The following GADL1 variants were observed in gnomAD, a reference collection of about 807,000 sequenced individuals.
GADL1 encodes acidic amino acid decarboxylase GADL1.
In GADL1, 71 loss-of-function variants were observed where a neutral mutation model predicts 69.5. The observed-to-expected ratio is 1.02, with a 90% CI of 0.84 to 1.25. GADL1 has a LOEUF of 1.25. GADL1 is among the 50% of genes most tolerant of loss of function. GADL1 has a pLI of 0.00. For synonymous variants in GADL1, 254 were observed against 214.4 expected (o/e 1.18, Z -1.62); for missense variants, 737 against 631.8 (o/e 1.17, Z -1.79).
chr3:30,833,596 TGAGA>T (rs143874584), intron 11 of GADL1, among the ~76,000 whole-genome samples: 8 of 152,104 alleles, frequency 5.3e-5, no homozygotes, highest in African/African-American at 1.4e-4. Flanking sequence ...CAAATGATGG[TGAGA>T]GAGAGACCAT....
At chr3:30,734,492 T>A (rs1695511974) in intron 14 of GADL1, among the ~76,000 whole-genome samples, 1 of 152,184 alleles carries the variant, frequency 6.6e-6, no homozygotes, top group Non-Finnish European at 1.5e-5. Context: ...TATCCTCTAG[T>A]GTGTAACCTC....
Position 30,728,258 on chromosome 3 carries a change from A to G in GADL1, c.1550T>C (p.Leu517Pro), listed in dbSNP as rs764256396. The change falls in exon 15 of 15, where the codon CTG (leucine) becomes CCG (proline). Residue 517 changes from leucine (L) to proline (P), a missense_variant. Coordinates refer to ENST00000282538, the MANE Select transcript of GADL1 (RefSeq NM_207359.3). The stretch of plus-strand genomic sequence containing the variant: ...AAGCCACAGCTACATGTCTTTACCC[A>G]GTAAGTCTATCTCATCCAGGAGGAA... ...MDFLLDEIDL[L>P]GKDM 1.2e-6 allele frequency: 2 copies of G among 1,613,732 alleles called. No homozygotes were observed. Among genetic ancestry groups the G allele is most frequent in the Admixed American group, 3.3e-5 (2 of 59,990 alleles).
intron 14 of GADL1, among the ~76,000 whole-genome samples, chr3:30,758,383 A>AT (rs1368716917): frequency 7.3e-5 from 11 of 151,000 alleles, no homozygotes; most frequent in African/African-American, 2.7e-4. Context: ...TCAGATCTCC[A>AT]TTTCCTACAC....
At chr3:30,783,778 A>G (rs1696726586) in intron 13 of GADL1, among the ~76,000 whole-genome samples, 1 of 152,222 alleles carries the variant, frequency 6.6e-6, no homozygotes, top group South Asian at 2.1e-4. Context: ...CAGGGGCAGA[A>G]GGCTGACTAA....
At chr3:30,767,847 A>G (rs1696319967) in intron 14 of GADL1, among the ~76,000 whole-genome samples, 1 of 152,186 alleles carries the variant, frequency 6.6e-6, no homozygotes, top group South Asian at 2.1e-4. Context: ...TTTAAAACCC[A>G]AACCATGTTA....
At chr3:30,789,560 ACTTC>A (rs1696869999) in intron 12 of GADL1, among the ~76,000 whole-genome samples, 1 of 152,166 alleles carries the variant, frequency 6.6e-6, no homozygotes, top group Non-Finnish European at 1.5e-5. Flanking sequence ...ACGGGCATTG[ACTTC>A]CCTCTGGTCA....
chr3:30,894,594 G>C lies in GADL1; in HGVS notation c.21C>G (p.Arg7=), dbSNP rs529884811. ...AGTCGTTACCGTCCACAGGACACTGGCGGTCCGAGTCGCTGCTCATCTCCG... is the reference window on the plus strand; with the variant it reads ...AGTCGTTACCGTCCACAGGACACTGCCGGTCCGAGTCGCTGCTCATCTCCG... MSSDSD[R]QCPVDGDIDQ... is the part of the protein sequence containing the mutation. The change falls in exon 1 of 15, where the codon CGC becomes CGG. Residue 7 remains arginine (R), a synonymous_variant. Transcript: ENST00000282538. 7.7e-5 allele frequency: 120 copies of C among 1,551,098 alleles called. No homozygotes were observed. In the African/African-American group the frequency reaches 1.5e-3, roughly 20 times the overall value.
At chr3:30,884,120 A>G (rs548092172) in intron 1 of GADL1, among the ~76,000 whole-genome samples, 1 of 152,068 alleles carries the variant, frequency 6.6e-6, no homozygotes, top group South Asian at 2.1e-4. Flanking sequence ...TGCATTCCAT[A>G]TGATCTTGGT....
chr3:30,758,608 TTAAATA>T (rs1343276041), intron 14 of GADL1, among the ~76,000 whole-genome samples: 1 of 152,190 alleles, frequency 6.6e-6, no homozygotes, highest in Non-Finnish European at 1.5e-5. Context: ...TGGTAAATGC[TTAAATA>T]TAAATGTGGA....
intron 12 of GADL1, among the ~76,000 whole-genome samples, chr3:30,796,317 T>G (rs1425787147): frequency 6.6e-6 from 1 of 152,124 alleles, no homozygotes; most frequent in Admixed American, 6.6e-5. Context: ...ACTGTCTTGT[T>G]TTTTCACCAC....
intron 12 of GADL1, 63 bp from the exon 13 acceptor site, chr3:30,786,469 G>T: frequency 2.3e-6 from 2 of 860,506 alleles, no homozygotes; most frequent in Non-Finnish European, 3.9e-6. Context: ...GAACATGACT[G>T]ATATGACAAA....
intron 1 of GADL1, among the ~76,000 whole-genome samples, chr3:30,884,844 T>G (rs111833070): frequency 0.033 from 4,850 of 147,020 alleles, 208 homozygotes; most frequent in African/African-American, 0.1. Flanking sequence ...TGCCAGGTAC[T>G]TAATAACATA....
intron 14 of GADL1, among the ~76,000 whole-genome samples, chr3:30,751,410 C>T (rs555129061): frequency 3.3e-5 from 5 of 151,664 alleles, no homozygotes; most frequent in East Asian, 1.9e-4. Context: ...TTCCTTACTC[C>T]GTTCTTCTGT....
Position 30,839,380 on chromosome 3 carries a change from G to A in GADL1, c.787-267C>T, listed in dbSNP as rs192154974. ...GTATTATTCTCATGTTTTTTGTAAT[G>A]TTTTGTTCTATCAATTGTCCAGATA... is the stretch of plus-strand genomic sequence containing the variant. On this transcript the variant is annotated intron_variant, in intron 8 of 14. Coordinates refer to ENST00000282538, the MANE Select transcript of GADL1 (RefSeq NM_207359.3). Among the ~76,000 whole-genome samples the A allele has an allele frequency of 1.4e-3, 206 of 151,876 alleles. 1 individual carries two copies. The highest frequency in any genetic ancestry group is 4.5e-3 in the African/African-American group (185 of 41,410).
chr3:30,884,112 C>T (rs1430800991), intron 1 of GADL1, among the ~76,000 whole-genome samples: 1 of 151,926 alleles, frequency 6.6e-6, no homozygotes, highest in Admixed American at 6.6e-5. Context: ...GAGAGGGATG[C>T]ATTCCATATG....
At chr3:30,848,698 T>C (rs1466550671) in intron 6 of GADL1, among the ~76,000 whole-genome samples, 1 of 152,220 alleles carries the variant, frequency 6.6e-6, no homozygotes, top group Admixed American at 6.5e-5. Context: ...ACTTAAGCCG[T>C]GCCATCTACT....
At chr3:30,850,440 A>C (rs1317939539) in intron 5 of GADL1, among the ~76,000 whole-genome samples, 1 of 152,132 alleles carries the variant, frequency 6.6e-6, no homozygotes, top group Admixed American at 6.6e-5. Flanking sequence ...TTTGTCACCT[A>C]ATCAATAAAA....
chr3:30,786,447 T>C, intron 12 of GADL1, 41 bp from the exon 13 acceptor site: 1 of 1,038,312 alleles, frequency 9.6e-7, no homozygotes, highest in Non-Finnish European at 1.5e-6. Flanking sequence ...ATCTGCAATG[T>C]AAAAGTGTCA....
chr3:30,779,865 CTT>C (rs1023615231), intron 13 of GADL1, among the ~76,000 whole-genome samples: 3 of 152,314 alleles, frequency 2.0e-5, no homozygotes, highest in African/African-American at 7.2e-5. Context: ...CAATCTTAGA[CTT>C]TGTCAGCAGA....
Sources: allele counts gnomAD v4.1 joint callset (sites outside exome capture counted in the v4.1 genomes callset), GRCh38; gene constraint gnomAD v4.1.1; transcripts MANE v1.5; gene names NCBI Gene and HGNC (gene_info 2026-07-23, HGNC 2026-07-21).